PALM2AKAP2: variants seen among roughly 807,000 people sequenced by gnomAD.
PALM2AKAP2 encodes the protein PALM2-AKAP2 fusion protein.
PALM2AKAP2 carries 37 observed loss-of-function variants against 71.5 expected under a neutral mutation model. The observed-to-expected ratio is 0.52, with a 90% CI of 0.40 to 0.68. PALM2AKAP2 has a LOEUF of 0.68. Ranked by LOEUF, PALM2AKAP2 falls within the 30% of genes least tolerant of loss-of-function variation. The pLI is 0.00. For synonymous variants in PALM2AKAP2, 468 were observed against 478.8 expected (o/e 0.98, Z 0.29); for missense variants, 1,224 against 1,191.8 (o/e 1.03, Z -0.40).
intron 1 of PALM2AKAP2, among the ~76,000 whole-genome samples, chr9:109,813,682 C>T (rs1278048247): frequency 1.3e-5 from 2 of 152,006 alleles, no homozygotes; most frequent in African/African-American, 4.8e-5. Context: ...TTAGACTGGC[C>T]CATAACTATG....
intron 1 of PALM2AKAP2, among the ~76,000 whole-genome samples, chr9:109,714,821 G>C (rs1395894024): frequency 6.6e-6 from 1 of 152,156 alleles, no homozygotes; most frequent in African/African-American, 2.4e-5. Context: ...TTGATGACTG[G>C]TGGATGAGGA....
chr9:109,942,560 A>T lies in PALM2AKAP2; in HGVS notation c.496+10532A>T, dbSNP rs1019518671. ...TTCACAGTGCGCACCTCACTCTAACACTCAAGATGCTTGGCAGTTAGAATA... is the reference window on the plus strand; with the variant it reads ...TTCACAGTGCGCACCTCACTCTAACTCTCAAGATGCTTGGCAGTTAGAATA... On this transcript the variant is annotated intron_variant, in intron 6 of 9. Coordinates refer to the PALM2AKAP2 transcript ENST00000302798. 1.0e-5 allele frequency: 11 copies of T among 1,048,136 alleles called. No homozygotes were observed. The African/African-American group carries it at 1.8e-4, about 17-fold the overall frequency. 64.9% of individuals were successfully genotyped at this position (1,048,136 alleles called of 1,614,324 possible).
At chr9:110,118,401 C>A (rs1835413526) in intron 1 of PALM2AKAP2, among the ~76,000 whole-genome samples, 1 of 152,046 alleles carries the variant, frequency 6.6e-6, no homozygotes, top group Non-Finnish European at 1.5e-5. Context: ...AGCCCACCAC[C>A]ACGCCCGGCT....
chr9:110,065,622 T>C (rs1180064724), intron 1 of PALM2AKAP2, among the ~76,000 whole-genome samples: 1 of 152,238 alleles, frequency 6.6e-6, no homozygotes, highest in Non-Finnish European at 1.5e-5. Flanking sequence ...ATTCACATTA[T>C]TGTGCAACCG....
chr9:109,894,788 GT>G (rs779269568), intron 3 of PALM2AKAP2, among the ~76,000 whole-genome samples: 7 of 151,922 alleles, frequency 4.6e-5, no homozygotes, highest in Non-Finnish European at 1.0e-4. Context: ...TTTTCCTATA[GT>G]TTTTTTAAGA....
intron 3 of PALM2AKAP2, among the ~76,000 whole-genome samples, chr9:109,916,147 T>G (rs764719369): frequency 2.0e-5 from 3 of 152,214 alleles, no homozygotes; most frequent in African/African-American, 7.2e-5. Flanking sequence ...TTTCACCACA[T>G]TGGACAGGCT....
chr9:109,949,568 A>G (rs1225825388), intron 6 of PALM2AKAP2, among the ~76,000 whole-genome samples: 1 of 152,204 alleles, frequency 6.6e-6, no homozygotes, highest in Non-Finnish European at 1.5e-5. Flanking sequence ...TCTTCATTCC[A>G]TTAAAGGTAA....
At chr9:109,726,495 G>T (rs938340149) in intron 1 of PALM2AKAP2, among the ~76,000 whole-genome samples, 2 of 152,178 alleles carry the variant, frequency 1.3e-5, no homozygotes, top group African/African-American at 4.8e-5. Context: ...TCCACGCCTG[G>T]GTTGCTGACC....
intron 1 of PALM2AKAP2, among the ~76,000 whole-genome samples, chr9:109,844,763 T>C (rs1828803436): frequency 6.6e-6 from 1 of 152,220 alleles, no homozygotes; most frequent in East Asian, 1.9e-4. Flanking sequence ...GTTCTGTGTG[T>C]GCTGCTCCAC....
At chr9:109,759,195 C>A (rs1829012113) in intron 1 of PALM2AKAP2, among the ~76,000 whole-genome samples, 1 of 152,006 alleles carries the variant, frequency 6.6e-6, no homozygotes, top group Non-Finnish European at 1.5e-5. Flanking sequence ...GGGTGTGAAT[C>A]TTTTTGTTCT....
chr9:109,706,804 C>T (rs1003519547), intron 1 of PALM2AKAP2, among the ~76,000 whole-genome samples: 1 of 152,200 alleles, frequency 6.6e-6, no homozygotes, highest in African/African-American at 2.4e-5. Flanking sequence ...AAGCAAGTCA[C>T]AAAACCTATA....
intron 2 of PALM2AKAP2, among the ~76,000 whole-genome samples, chr9:110,142,423 C>T (rs1836058104): frequency 6.6e-6 from 1 of 152,102 alleles, no homozygotes; most frequent in Non-Finnish European, 1.5e-5. Context: ...AGAAGCTCCA[C>T]TTAAATAGAA....
chr9:109,740,498 A>G (rs1297296818), intron 1 of PALM2AKAP2, among the ~76,000 whole-genome samples: 2 of 152,204 alleles, frequency 1.3e-5, no homozygotes, highest in Non-Finnish European at 2.9e-5. Context: ...AGAGGCAACA[A>G]CAAGGACTGG....
intron 2 of PALM2AKAP2, chr9:110,148,489 T>C (rs1184287710): frequency 6.6e-6 from 1 of 152,178 alleles, no homozygotes; most frequent in Non-Finnish European, 1.5e-5. Flanking sequence ...GCTCTTGGTG[T>C]GCGGGTCACA....
chr9:109,640,820 C>G lies in PALM2AKAP2; in HGVS notation c.-42C>G. 6 of 1,511,518 alleles carry G rather than the reference C, an allele frequency of 4.0e-6. No homozygotes were observed. The East Asian group carries it at 1.3e-4, about 33-fold the overall frequency. 93.6% of individuals were successfully genotyped at this position (1,511,518 alleles called of 1,614,324 possible). ...CGGCTCCGGGAGAGGCGAGCAGCGC[C>G]GGTGAGCCCCGCAGCAGCGCACCCG... On this transcript the variant is annotated 5_prime_UTR_variant, in exon 1 of 7. Coordinates refer to the PALM2AKAP2 transcript ENST00000374531.
At chr9:109,873,487 T>G (rs1829653106) in intron 2 of PALM2AKAP2, among the ~76,000 whole-genome samples, 1 of 150,728 alleles carries the variant, frequency 6.6e-6, no homozygotes, top group Admixed American at 6.6e-5. Context: ...TAAAATAAAA[T>G]AAAATAAAAT....
intron 1 of PALM2AKAP2, chr9:109,641,015 C>T: frequency 8.0e-7 from 1 of 1,244,162 alleles, no homozygotes; most frequent in East Asian, 3.1e-5. Context: ...TCTATAGCAG[C>T]CGCCGCGGCG....
At chr9:109,871,235 T>C (rs1408047401) in intron 2 of PALM2AKAP2, among the ~76,000 whole-genome samples, 1 of 152,202 alleles carries the variant, frequency 6.6e-6, no homozygotes, top group African/African-American at 2.4e-5. Context: ...AAATGGAATA[T>C]CATCACTTTG....
At chr9:109,797,066 C>T (rs1211638278) in intron 1 of PALM2AKAP2, among the ~76,000 whole-genome samples, 1 of 152,176 alleles carries the variant, frequency 6.6e-6, no homozygotes, top group Non-Finnish European at 1.5e-5. Context: ...TAACTGGGCC[C>T]CTGCTCTGAT....
Sources: allele counts gnomAD v4.1 joint callset (sites outside exome capture counted in the v4.1 genomes callset), GRCh38; gene constraint gnomAD v4.1.1; transcripts MANE v1.5; gene names NCBI Gene and HGNC (gene_info 2026-07-23, HGNC 2026-07-21).